Variants in RCSD1 observed in about 807,000 individuals in gnomAD.
RCSD1 encodes capZ-interacting protein.
Under a neutral mutation model 42.5 loss-of-function variants are expected in RCSD1, and 26 were observed. The observed-to-expected ratio is 0.61, with a 90% CI of 0.45 to 0.85. RCSD1 has a LOEUF of 0.85. Among genes scored for constraint, RCSD1 ranks in the 40% least tolerant of loss-of-function variants. The probability of loss-of-function intolerance (pLI) is 0.00; values close to 1 mark genes in which losing one functional copy is unlikely to be tolerated. For missense variants in RCSD1, 571 were observed against 528.3 expected (o/e 1.08, Z -0.79); for synonymous variants, 220 against 212.2 (o/e 1.04, Z -0.32).
chr1:167,639,719 C>G (rs1467263081), intron 1 of RCSD1, among the ~76,000 whole-genome samples: 1 of 152,200 alleles, frequency 6.6e-6, no homozygotes, highest in East Asian at 1.9e-4. Context: ...GTCTTGAACT[C>G]CTGACCTCAG....
At position 167,702,388 on chromosome 1, in the gene RCSD1, C is replaced by T. The variant is rs553157080; in HGVS notation, c.1219-2276C>T. On this transcript the variant is annotated intron_variant, in intron 6 of 6. Transcript: ENST00000367854. ...GGATTTCAATCATAGGCAAGCTGGACGTATCAAGTCACTGCACTTAGGATT... is the reference window on the plus strand; with the variant it reads ...GGATTTCAATCATAGGCAAGCTGGATGTATCAAGTCACTGCACTTAGGATT... Among the ~76,000 whole-genome samples the T allele has an allele frequency of 2.0e-4, 30 of 152,318 alleles. 3 individuals carry two copies. Among genetic ancestry groups the T allele is most frequent in the Admixed American group, 1.2e-3 (19 of 15,292 alleles).
chr1:167,698,069 G>C (rs1043252132), intron 6 of RCSD1, among the ~76,000 whole-genome samples: 1 of 152,190 alleles, frequency 6.6e-6, no homozygotes, highest in Admixed American at 6.5e-5. Flanking sequence ...CCAACTTCTC[G>C]CTGACTTGGA....
At chr1:167,653,511 G>A (rs1658358034) in intron 1 of RCSD1, among the ~76,000 whole-genome samples, 1 of 152,222 alleles carries the variant, frequency 6.6e-6, no homozygotes, top group African/African-American at 2.4e-5. Flanking sequence ...CCAGTTACTT[G>A]ATCCGGAAGA....
intron 1 of RCSD1, among the ~76,000 whole-genome samples, chr1:167,673,911 G>A (rs1418283674): frequency 6.6e-6 from 1 of 152,138 alleles, no homozygotes; most frequent in East Asian, 1.9e-4. Flanking sequence ...CCTCTGTGAA[G>A]CGTTCCCTGA....
intron 1 of RCSD1, among the ~76,000 whole-genome samples, chr1:167,648,701 C>T (rs184566010): frequency 6.4e-4 from 97 of 152,188 alleles, no homozygotes; most frequent in Non-Finnish European, 1.2e-3. Flanking sequence ...TGATGGGGTG[C>T]GGGCAACAGT....
chr1:167,673,080 G>A (rs1229352), intron 1 of RCSD1, among the ~76,000 whole-genome samples: 78,557 of 151,966 alleles, frequency 0.52, 20,894 homozygotes, highest in East Asian at 0.64. Context: ...GACGATGCTC[G>A]GGACTGACCT....
chr1:167,685,487 G>T lies in RCSD1; in HGVS notation c.175G>T (p.Asp59Tyr). 6.2e-7 allele frequency: 1 copy of T among 1,613,914 alleles called. No homozygotes were observed. The highest frequency in any genetic ancestry group is 8.5e-7 in the Non-Finnish European group (1 of 1,179,896). Residue 59 changes from aspartate to tyrosine, a missense_variant, in exon 3 of 7, where the codon GAC (aspartate) becomes TAC (tyrosine). Physicochemically the swap from Asp to Tyr is radical, Grantham distance 160 (BLOSUM62 -3). Coordinates refer to ENST00000367854, the MANE Select transcript of RCSD1 (RefSeq NM_052862.4). The part of the protein sequence containing the change: ...CSLPLFPPKV[D>Y]LGQNGEEKSP... Reference sequence around the variant, plus strand: ...CCTCCCCCTGTTCCCCCCCAAGGTAGACCTGGGCCAGAATGGTGAGGAGGT... The same window carrying T: ...CCTCCCCCTGTTCCCCCCCAAGGTATACCTGGGCCAGAATGGTGAGGAGGT...
rs996407044 is a variant in RCSD1, at chr1:167,705,487, C to T, written c.*791C>T. The T allele has an allele frequency of 3.9e-5, 6 of 152,110 alleles. No homozygotes were observed. Among genetic ancestry groups the T allele is most frequent in the African/African-American group, 1.4e-4 (6 of 41,416 alleles). The allele number at this position is 152,110 out of a possible 1,614,324, so 9.4% of individuals were successfully genotyped here. On this transcript the variant is annotated 3_prime_UTR_variant, in exon 7 of 7. Coordinates refer to ENST00000367854, the MANE Select transcript of RCSD1 (RefSeq NM_052862.4). ...GGAGAGGCAGAATGGCAGGAGGTTT[C>T]ATGTCCCGCGTTGCATCTCCTCCTG...
intron 1 of RCSD1, among the ~76,000 whole-genome samples, chr1:167,635,315 T>C (rs1304414266): frequency 6.6e-6 from 1 of 152,056 alleles, no homozygotes; most frequent in Non-Finnish European, 1.5e-5. Flanking sequence ...CCCACATTCC[T>C]CTCTGGCTCC....
Position 167,697,173 on chromosome 1 carries a change from ACTT to A in RCSD1, c.550_552del (p.Leu184del). The A allele has an allele frequency of 6.2e-7, 1 of 1,614,166 alleles. No homozygotes were observed. ...GAAGGTCACAGTCAGACTGTGGAGAACTTGGAGATTTCAGGGCGGTGGAGTCAT... is the reference window on the plus strand; with the variant it reads ...GAAGGTCACAGTCAGACTGTGGAGAAGGAGATTTCAGGGCGGTGGAGTCAT... On this transcript the variant is annotated inframe_deletion, in exon 6 of 7. Coordinates refer to ENST00000367854, the MANE Select transcript of RCSD1 (RefSeq NM_052862.4).
intron 1 of RCSD1, among the ~76,000 whole-genome samples, chr1:167,668,949 G>A (rs1167743340): frequency 6.6e-6 from 1 of 152,218 alleles, no homozygotes; most frequent in Non-Finnish European, 1.5e-5. Context: ...TTTTGCAAAT[G>A]TAGTTAAACA....
At chr1:167,671,814 C>G (rs1360416085) in intron 1 of RCSD1, among the ~76,000 whole-genome samples, 3 of 152,224 alleles carry the variant, frequency 2.0e-5, no homozygotes, top group African/African-American at 4.8e-5. Flanking sequence ...ACTTAGGCAG[C>G]CTTTCATGCT....
chr1:167,684,060 T>C, intron 2 of RCSD1, 59 bp downstream of exon 2: 1 of 1,403,928 alleles, frequency 7.1e-7, no homozygotes, highest in South Asian at 1.2e-5. Flanking sequence ...AAGGGAAATC[T>C]GGTCAGGCCC....
chr1:167,674,852 A>T (rs1001465099), intron 1 of RCSD1, among the ~76,000 whole-genome samples: 1 of 152,092 alleles, frequency 6.6e-6, no homozygotes, highest in Non-Finnish European at 1.5e-5. Context: ...GCTGTGTCAC[A>T]TTTTGTTTCT....
chr1:167,643,743 C>T (rs1313772028), intron 1 of RCSD1, among the ~76,000 whole-genome samples: 2 of 152,212 alleles, frequency 1.3e-5, no homozygotes. Context: ...TAACACCTAC[C>T]TGCTAGGGTT....
chr1:167,662,987 G>A (rs1658572494), intron 1 of RCSD1, among the ~76,000 whole-genome samples: 1 of 152,194 alleles, frequency 6.6e-6, no homozygotes, highest in Non-Finnish European at 1.5e-5. Context: ...GTCTTAGGAA[G>A]CGTCCTTTGC....
intron 1 of RCSD1, among the ~76,000 whole-genome samples, chr1:167,642,353 C>T (rs1299764699): frequency 2.0e-5 from 3 of 152,116 alleles, no homozygotes; most frequent in Non-Finnish European, 2.9e-5. Flanking sequence ...AGGGCTCATT[C>T]GCTTGAGTCT....
At chr1:167,644,536 C>A (rs1658086925) in intron 1 of RCSD1, among the ~76,000 whole-genome samples, 1 of 138,478 alleles carries the variant, frequency 7.2e-6, no homozygotes, top group Non-Finnish European at 1.6e-5. Context: ...TACATACATA[C>A]ATTTCAAAGA....
intron 5 of RCSD1, among the ~76,000 whole-genome samples, chr1:167,696,269 T>C (rs1659495385): frequency 6.6e-6 from 1 of 152,052 alleles, no homozygotes; most frequent in Middle Eastern, 3.2e-3. Context: ...TACAGTGCAA[T>C]AAAATCATAA....
Sources: gnomAD v4.1 joint callset for allele counts (sites outside exome capture counted in the v4.1 genomes callset) on GRCh38, gnomAD v4.1.1 for gene constraint, MANE v1.5 for transcripts, NCBI Gene and HGNC (gene_info 2026-07-23, HGNC 2026-07-21) for gene names.